DCC: variants seen among roughly 807,000 people sequenced by gnomAD.
The protein encoded by DCC is DCC netrin 1 receptor.
DCC carries 58 observed loss-of-function variants against 172.5 expected under a neutral mutation model. That is an observed-to-expected ratio of 0.34 (90% CI 0.27 to 0.42). The LOEUF (loss-of-function observed/expected upper bound fraction) is 0.42, where lower values mean the gene tolerates loss of function less well. Among genes scored for constraint, DCC ranks in the 10% least tolerant of loss-of-function variants. The probability of loss-of-function intolerance (pLI) is 1.00; values close to 1 mark genes in which losing one functional copy is unlikely to be tolerated. For synonymous variants in DCC, 709 were observed against 644.5 expected (o/e 1.10, Z -1.52); for missense variants, 1,740 against 1,791.0 (o/e 0.97, Z 0.51).
intron 22 of DCC, among the ~76,000 whole-genome samples, chr18:53,440,396 T>G (rs1050512571): frequency 1.3e-5 from 2 of 152,116 alleles, no homozygotes; most frequent in African/African-American, 4.8e-5. Context: ...TCAATGTTAA[T>G]AAATAGATCA....
intron 1 of DCC, among the ~76,000 whole-genome samples, chr18:52,492,212 G>A (rs2144606570): frequency 6.6e-6 from 1 of 152,026 alleles, no homozygotes; most frequent in South Asian, 2.1e-4. Context: ...GAAACTTGGG[G>A]GGTAGTGGGA....
chr18:52,640,999 T>TG (rs200648081), intron 1 of DCC, among the ~76,000 whole-genome samples: 3,765 of 152,248 alleles, frequency 0.025, 70 homozygotes, highest in Middle Eastern at 0.051. Flanking sequence ...AACAGCATGG[T>TG]ACTGGCATAA....
At chr18:52,517,389 G>A (rs572827679) in intron 1 of DCC, among the ~76,000 whole-genome samples, 88 of 152,136 alleles carry the variant, frequency 5.8e-4, no homozygotes, top group Non-Finnish European at 1.1e-3. Context: ...AAAGGACCAG[G>A]CAGTGAGAAA....
At chr18:53,151,620 A>G (rs2043996507) in intron 7 of DCC, among the ~76,000 whole-genome samples, 1 of 152,096 alleles carries the variant, frequency 6.6e-6, no homozygotes, top group Admixed American at 6.6e-5. Context: ...ATAAAAGCAT[A>G]CAATGTTATC....
intron 12 of DCC, among the ~76,000 whole-genome samples, chr18:53,219,990 A>G (rs1394438256): frequency 1.6e-5 from 2 of 127,636 alleles, no homozygotes; most frequent in South Asian, 4.4e-4. Context: ...AACTTGTTGG[A>G]TTTTGATGGA....
At chr18:52,943,065 C>T (rs1161318819) in intron 5 of DCC, among the ~76,000 whole-genome samples, 1 of 152,076 alleles carries the variant, frequency 6.6e-6, no homozygotes, top group African/African-American at 2.4e-5. Flanking sequence ...ATTTATACCT[C>T]TTTTGTTTTA....
At chr18:52,705,417 G>A (rs898438) in intron 1 of DCC, among the ~76,000 whole-genome samples, 93,609 of 151,998 alleles carry the variant, frequency 0.62, 29,685 homozygotes, top group Admixed American at 0.71. Context: ...GCCAACATGC[G>A]TAAAAGGAAA....
intron 1 of DCC, among the ~76,000 whole-genome samples, chr18:52,725,604 G>T (rs1037478941): frequency 5.9e-5 from 9 of 152,108 alleles, no homozygotes; most frequent in African/African-American, 1.9e-4. Context: ...ACCATGTCTT[G>T]GTTTGTGGGG....
chr18:53,366,803 GC>G (rs1411939975), intron 15 of DCC, among the ~76,000 whole-genome samples: 1 of 152,194 alleles, frequency 6.6e-6, no homozygotes, highest in Non-Finnish European at 1.5e-5. Context: ...GAGCAAAGGT[GC>G]CAATGCCATC....
At chr18:52,430,803 A>C (rs1023764835) in intron 1 of DCC, among the ~76,000 whole-genome samples, 5 of 152,158 alleles carry the variant, frequency 3.3e-5, no homozygotes, top group African/African-American at 1.2e-4. Context: ...TCAGGGATGG[A>C]GAAAACACTC....
intron 22 of DCC, among the ~76,000 whole-genome samples, chr18:53,445,429 A>G (rs1429305716): frequency 1.3e-5 from 2 of 152,140 alleles, no homozygotes; most frequent in African/African-American, 2.4e-5. Context: ...TTGTTTGCCT[A>G]TTGATATTGT....
At chr18:53,228,827 T>C (rs1272032719) in intron 12 of DCC, among the ~76,000 whole-genome samples, 1 of 152,106 alleles carries the variant, frequency 6.6e-6, no homozygotes, top group Non-Finnish European at 1.5e-5. Flanking sequence ...ATGCCAAAGA[T>C]TTTTCCCTAT....
intron 6 of DCC, among the ~76,000 whole-genome samples, chr18:53,064,226 C>T (rs1341018502): frequency 1.3e-5 from 2 of 152,198 alleles, no homozygotes; most frequent in East Asian, 3.9e-4. Context: ...ATTATTGTAG[C>T]TTTTGCTGTT....
At chr18:53,414,726 T>C (rs1042782814) in intron 20 of DCC, among the ~76,000 whole-genome samples, 1 of 152,062 alleles carries the variant, frequency 6.6e-6, no homozygotes, top group Non-Finnish European at 1.5e-5. Flanking sequence ...CACATGCCTG[T>C]AGTCCCAGCT....
At chr18:52,461,828 C>T (rs1735858147) in intron 1 of DCC, among the ~76,000 whole-genome samples, 1 of 152,186 alleles carries the variant, frequency 6.6e-6, no homozygotes, top group Non-Finnish European at 1.5e-5. Context: ...TTATCTCCAG[C>T]TCAGACCTCT....
intron 15 of DCC, among the ~76,000 whole-genome samples, chr18:53,356,011 T>G (rs759119753): frequency 8.5e-5 from 13 of 152,182 alleles, no homozygotes; most frequent in Admixed American, 3.9e-4. Flanking sequence ...ATCACTGTTC[T>G]CAACTCAGAA....
At chr18:52,765,838 T>C (rs550160868) in intron 2 of DCC, among the ~76,000 whole-genome samples, 192 of 152,292 alleles carry the variant, frequency 1.3e-3, no homozygotes, top group African/African-American at 4.2e-3. Flanking sequence ...TCTGCAAACT[T>C]GGGACAACCA....
chr18:53,042,490 G>A (rs1045182351), intron 5 of DCC, among the ~76,000 whole-genome samples: 10 of 151,866 alleles, frequency 6.6e-5, no homozygotes, highest in African/African-American at 2.4e-4. Context: ...TCTCTGCCAG[G>A]TTTTGGTATC....
rs530322223 is a variant in DCC at position 53,416,950 on chromosome 18, G to A, written c.3163+794G>A. ...TAGTTTATGAGTTTTATTTTTTTGA[G>A]GATGTTACTTTCTTTCCAGAAGAGT... On this transcript the variant is annotated intron_variant, in intron 21 of 28. Coordinates refer to ENST00000442544, the MANE Select transcript of DCC (RefSeq NM_005215.4). Among the ~76,000 whole-genome samples the A allele has an allele frequency of 2.0e-5, 3 of 152,212 alleles. No homozygotes were observed. The East Asian group carries it at 5.8e-4, about 29-fold the overall frequency.
Sources: gnomAD v4.1 joint callset for allele counts (sites outside exome capture counted in the v4.1 genomes callset) on GRCh38, gnomAD v4.1.1 for gene constraint, MANE v1.5 for transcripts, NCBI Gene and HGNC (gene_info 2026-07-23, HGNC 2026-07-21) for gene names.